Variants in AASS observed in about 807,000 individuals in gnomAD.
AASS encodes the protein alpha-aminoadipic semialdehyde synthase, mitochondrial.
AASS carries 86 observed loss-of-function variants against 105.4 expected under a neutral mutation model. That is an observed-to-expected ratio of 0.82 (90% CI 0.69 to 0.98). The LOEUF (loss-of-function observed/expected upper bound fraction) is 0.98. Among genes scored for constraint, AASS ranks in the 50% least tolerant of loss-of-function variants. The pLI is 0.00. For missense variants in AASS, 1,048 were observed against 1,143.2 expected, an observed-to-expected ratio of 0.92 and a Z score of 1.20; for synonymous variants, 381 against 394.8, an observed-to-expected ratio of 0.96 and a Z score of 0.41.
intron 11 of AASS, among the ~76,000 whole-genome samples, chr7:122,107,032 A>T (rs1355667194): frequency 6.6e-6 from 1 of 152,150 alleles, no homozygotes; most frequent in African/African-American, 2.4e-5. Flanking sequence ...TAAAAACTTA[A>T]ATTTACAAGA....
chr7:122,088,860 T>TG (rs1197451393), intron 18 of AASS, among the ~76,000 whole-genome samples: 3 of 151,926 alleles, frequency 2.0e-5, no homozygotes, highest in African/African-American at 7.3e-5. Flanking sequence ...ACACCACCAC[T>TG]GTGAGGGGAA....
At chr7:122,110,940 A>G (rs763649336) in intron 11 of AASS, among the ~76,000 whole-genome samples, 5 of 152,158 alleles carry the variant, frequency 3.3e-5, no homozygotes, top group Admixed American at 1.3e-4. Flanking sequence ...TTGAAAACCA[A>G]TTGACACAAT....
intron 11 of AASS, among the ~76,000 whole-genome samples, chr7:122,105,871 T>A (rs998424562): frequency 3.3e-5 from 5 of 151,698 alleles, no homozygotes; most frequent in Middle Eastern, 3.4e-3. Context: ...AAAGAAATAA[T>A]GATGGTTAGA....
At chr7:122,098,338 A>C (rs374075506) in intron 15 of AASS, 112 bp downstream of exon 15, 1 of 1,246,188 alleles carries the variant, frequency 8.0e-7, no homozygotes. Flanking sequence ...CCATACTTCA[A>C]TTAAAAACTT....
At chr7:122,123,787 T>G (rs1795536304) in intron 4 of AASS, among the ~76,000 whole-genome samples, 1 of 152,208 alleles carries the variant, frequency 6.6e-6, no homozygotes, top group African/African-American at 2.4e-5. Context: ...ACTCCTGGAC[T>G]TCTAGCTTAT....
intron 20 of AASS, among the ~76,000 whole-genome samples, chr7:122,080,937 A>G (rs188266602): frequency 6.6e-6 from 1 of 152,300 alleles, no homozygotes; most frequent in East Asian, 1.9e-4. Context: ...GTTAATTCTG[A>G]GCAGTCAGTA....
chr7:122,099,510 G>T (rs1489574093), intron 13 of AASS, among the ~76,000 whole-genome samples: 1 of 151,842 alleles, frequency 6.6e-6, no homozygotes, highest in Non-Finnish European at 1.5e-5. Flanking sequence ...CCAGGCAGAT[G>T]ACTTTCTGTC....
chr7:122,129,618 C>T (rs1278329290), intron 2 of AASS, 81 bp from the exon 3 acceptor site: 21 of 1,270,990 alleles, frequency 1.7e-5, no homozygotes, highest in Non-Finnish European at 1.9e-5. Context: ...GTAGCAAAGG[C>T]ACAACAAATC....
At chr7:122,103,839 AT>A (rs1240437234) in intron 11 of AASS, among the ~76,000 whole-genome samples, 3 of 151,976 alleles carry the variant, frequency 2.0e-5, no homozygotes, top group Non-Finnish European at 4.4e-5. Flanking sequence ...GGAGGGTAGA[AT>A]TCTACAGTTT....
At chr7:122,119,708 C>T (rs1051626077) in intron 4 of AASS, among the ~76,000 whole-genome samples, 5 of 152,106 alleles carry the variant, frequency 3.3e-5, no homozygotes, top group Non-Finnish European at 7.4e-5. Context: ...GTGTTATTAC[C>T]GCCATGATCA....
At chr7:122,137,131 T>C (rs534515885) in intron 1 of AASS, among the ~76,000 whole-genome samples, 31 of 152,256 alleles carry the variant, frequency 2.0e-4, no homozygotes, top group Non-Finnish European at 3.5e-4. Flanking sequence ...GTAGTTACCA[T>C]TGATTAAGCA....
chr7:122,133,960 C>G, intron 1 of AASS: 5 of 571,784 alleles, frequency 8.7e-6, no homozygotes, highest in Non-Finnish European at 1.6e-5. Flanking sequence ...AAGTATAGAG[C>G]AACGTGTGTG....
chr7:122,079,125 C>A, intron 21 of AASS, 175 bp from the exon 22 acceptor site: 1 of 1,500,688 alleles, frequency 6.7e-7, no homozygotes, highest in Non-Finnish European at 8.9e-7. Flanking sequence ...ATGTTTTAAC[C>A]TTCAGAATCT....
chr7:122,085,373 T>C (rs1026673429), intron 19 of AASS, among the ~76,000 whole-genome samples: 2 of 152,210 alleles, frequency 1.3e-5, no homozygotes, highest in Admixed American at 1.3e-4. Flanking sequence ...AATAAATGTG[T>C]AGTGGACATT....
chr7:122,101,313 T>C (rs1327757420), intron 13 of AASS, 58 bp downstream of exon 13: 1 of 1,337,148 alleles, frequency 7.5e-7, no homozygotes, highest in Non-Finnish European at 1.1e-6. Flanking sequence ...TAAAAAATAC[T>C]CATGAATTCC....
intron 15 of AASS, among the ~76,000 whole-genome samples, 182 bp downstream of exon 15, chr7:122,098,268 T>A (rs1361164074): frequency 6.6e-6 from 1 of 151,966 alleles, no homozygotes; most frequent in Non-Finnish European, 1.5e-5. Flanking sequence ...CATCACAGAA[T>A]GTGTTCACTT....
intron 15 of AASS, among the ~76,000 whole-genome samples, chr7:122,093,768 G>C (rs1373530228): frequency 6.6e-6 from 1 of 152,018 alleles, no homozygotes; most frequent in Non-Finnish European, 1.5e-5. Context: ...TGAGATCACA[G>C]CACTGCACAC....
Position 122,115,071 on chromosome 7 carries a change from T to C in AASS, c.1043+3A>G. 2 of 1,614,136 alleles carry C rather than the reference T, an allele frequency of 1.2e-6. No individual in the cohort carries two copies. Among genetic ancestry groups the C allele is most frequent in the East Asian group, 4.5e-5 (2 of 44,872 alleles). On this transcript the variant is annotated splice_donor_region_variant and intron_variant, in intron 9 of 23. Coordinates refer to ENST00000417368, the MANE Select transcript of AASS (RefSeq NM_005763.4). Reference sequence around the variant, plus strand: ...ACTATCGTTGCTGAAGTAGAGTCCTTACTTGTGTGGTAATGCAGGGCAGCC... The same window carrying C: ...ACTATCGTTGCTGAAGTAGAGTCCTCACTTGTGTGGTAATGCAGGGCAGCC...
chr7:122,107,880 G>A (rs1163966597), intron 11 of AASS, among the ~76,000 whole-genome samples: 1 of 143,140 alleles, frequency 7.0e-6, no homozygotes, highest in Non-Finnish European at 1.5e-5. Flanking sequence ...ATGTACCCCT[G>A]AACCTAAAAG....
Sources: allele counts gnomAD v4.1 joint callset (sites outside exome capture counted in the v4.1 genomes callset), GRCh38; gene constraint gnomAD v4.1.1; transcripts MANE v1.5; gene names NCBI Gene and HGNC (gene_info 2026-07-23, HGNC 2026-07-21).